The following PTPRG variants were observed in gnomAD, a reference collection of about 807,000 sequenced individuals.
PTPRG encodes the protein receptor-type tyrosine-protein phosphatase gamma.
In PTPRG, 102 loss-of-function variants were observed where a neutral mutation model predicts 165.3. That is an observed-to-expected ratio of 0.62 (90% CI 0.53 to 0.73). The LOEUF (loss-of-function observed/expected upper bound fraction) is 0.73, where lower values mean the gene tolerates loss of function less well. Ranked by LOEUF, PTPRG falls within the 30% of genes least tolerant of loss-of-function variation. The pLI is 0.00. For missense variants in PTPRG, 1,866 were observed against 1,861.4 expected (o/e 1.00, Z -0.05); for synonymous variants, 675 against 669.5 (o/e 1.01, Z -0.13).
At chr3:61,792,962 C>T (rs75282832) in intron 2 of PTPRG, among the ~76,000 whole-genome samples, 2,312 of 152,176 alleles carry the variant, frequency 0.015, 60 homozygotes, top group African/African-American at 0.053. Context: ...CTCCTGTCCT[C>T]ATGATCTGGC....
At chr3:61,690,998 A>G (rs1458692760) in intron 1 of PTPRG, among the ~76,000 whole-genome samples, 1 of 152,192 alleles carries the variant, frequency 6.6e-6, no homozygotes, top group African/African-American at 2.4e-5. Flanking sequence ...AAACCACAGA[A>G]TCCTTCAATA....
chr3:61,643,277 A>AGAGAG lies in PTPRG; in HGVS notation c.85+80905_85+80906insGAGAG, dbSNP rs1559537079. ...CCATCTGGGGAGAGAGAGAGAGAGAAAGAGAGAGAGAGAGAGACAGAGACA... is the reference window on the plus strand; with the variant it reads ...CCATCTGGGGAGAGAGAGAGAGAGAAGAGAGAGAGAGAGAGAGAGAGACAGAGACA... On this transcript the variant is annotated intron_variant, in intron 1 of 29. Coordinates refer to ENST00000474889, the MANE Select transcript of PTPRG (RefSeq NM_002841.4). Among the ~76,000 whole-genome samples the AGAGAG allele has an allele frequency of 2.3e-3, 352 of 149,818 alleles. 1 individual carries two copies. Among genetic ancestry groups the AGAGAG allele is most frequent in the African/African-American group, 6.3e-3 (258 of 40,834 alleles).
At chr3:62,257,566 G>C (rs1431281163) in intron 16 of PTPRG, among the ~76,000 whole-genome samples, 1 of 152,082 alleles carries the variant, frequency 6.6e-6, no homozygotes, top group Non-Finnish European at 1.5e-5. Context: ...GGCTGTGGGT[G>C]GCTACATTTT....
At chr3:61,782,976 C>T (rs1438171975) in intron 2 of PTPRG, among the ~76,000 whole-genome samples, 1 of 151,762 alleles carries the variant, frequency 6.6e-6, no homozygotes, top group Non-Finnish European at 1.5e-5. Flanking sequence ...CTAATTAAAA[C>T]AAATTTTTTT....
chr3:61,814,657 T>C (rs957945460), intron 2 of PTPRG, among the ~76,000 whole-genome samples: 2 of 151,948 alleles, frequency 1.3e-5, no homozygotes, highest in Non-Finnish European at 2.9e-5. Flanking sequence ...GCTGCTGCTT[T>C]ATTTCATGCA....
At chr3:61,643,436 G>C (rs576810737) in intron 1 of PTPRG, among the ~76,000 whole-genome samples, 45 of 152,294 alleles carry the variant, frequency 3.0e-4, no homozygotes, top group South Asian at 1.9e-3. Context: ...AATTAGGGGA[G>C]AGTTGTTAAA....
intron 17 of PTPRG, 105 bp from the exon 18 acceptor site, chr3:62,267,305 C>A: frequency 2.3e-6 from 2 of 863,272 alleles, no homozygotes; most frequent in Non-Finnish European, 3.7e-6. Context: ...CTCAGACTAC[C>A]TTGGGAGATG....
At chr3:61,879,899 C>G (rs534591656) in intron 2 of PTPRG, among the ~76,000 whole-genome samples, 42 of 152,220 alleles carry the variant, frequency 2.8e-4, no homozygotes, top group Non-Finnish European at 5.6e-4. Context: ...TATAATGAAA[C>G]AAATCAAAAT....
intron 2 of PTPRG, among the ~76,000 whole-genome samples, chr3:61,817,990 GA>G (rs2035839060): frequency 6.6e-6 from 1 of 152,164 alleles, no homozygotes; most frequent in African/African-American, 2.4e-5. Flanking sequence ...TGTGGAAGTT[GA>G]GAAGACAGGT....
intron 1 of PTPRG, among the ~76,000 whole-genome samples, chr3:61,714,046 T>A (rs1241654176): frequency 6.6e-6 from 1 of 152,240 alleles, no homozygotes; most frequent in Non-Finnish European, 1.5e-5. Context: ...TTGAACTGAA[T>A]GATCTCCAAA....
intron 2 of PTPRG, among the ~76,000 whole-genome samples, chr3:61,773,029 A>G (rs1000383269): frequency 6.6e-6 from 1 of 152,248 alleles, no homozygotes; most frequent in African/African-American, 2.4e-5. Flanking sequence ...AAAAGCAAGA[A>G]AGACAAGATA....
At chr3:62,040,240 T>C (rs566858147) in intron 4 of PTPRG, among the ~76,000 whole-genome samples, 1 of 152,328 alleles carries the variant, frequency 6.6e-6, no homozygotes, top group East Asian at 1.9e-4. Context: ...TTTCACAAAT[T>C]GGAGACAATT....
intron 2 of PTPRG, among the ~76,000 whole-genome samples, chr3:61,898,685 A>AAAGCAT (rs1235378452): frequency 7.2e-5 from 11 of 152,224 alleles, no homozygotes; most frequent in African/African-American, 2.7e-4. Context: ...CTTATTGAAT[A>AAAGCAT]AAGCATGTGG....
chr3:61,849,660 T>C (rs1469555370), intron 2 of PTPRG, among the ~76,000 whole-genome samples: 1 of 152,192 alleles, frequency 6.6e-6, no homozygotes, highest in Non-Finnish European at 1.5e-5. Flanking sequence ...CACTGAGACA[T>C]TGTATTTTTC....
At chr3:62,009,948 T>C (rs1397303588) in intron 4 of PTPRG, among the ~76,000 whole-genome samples, 1 of 152,204 alleles carries the variant, frequency 6.6e-6, no homozygotes, top group Non-Finnish European at 1.5e-5. Context: ...GACAAGGTCT[T>C]ACTGTGTCAC....
At chr3:61,990,562 A>G (rs2040860073) in intron 3 of PTPRG, among the ~76,000 whole-genome samples, 1 of 152,216 alleles carries the variant, frequency 6.6e-6, no homozygotes, top group African/African-American at 2.4e-5. Context: ...TGTCCTTGTA[A>G]GTACCAGAGA....
intron 4 of PTPRG, among the ~76,000 whole-genome samples, chr3:62,073,108 G>A (rs1426683670): frequency 1.3e-5 from 2 of 152,030 alleles, no homozygotes; most frequent in Non-Finnish European, 2.9e-5. Context: ...ATAATGGATT[G>A]AATAAATAGA....
chr3:61,716,878 A>G (rs990613815), intron 1 of PTPRG, among the ~76,000 whole-genome samples: 1 of 152,166 alleles, frequency 6.6e-6, no homozygotes, highest in African/African-American at 2.4e-5. Context: ...AGGCTGAGGC[A>G]GGAGAATCAC....
intron 13 of PTPRG, among the ~76,000 whole-genome samples, chr3:62,221,514 G>C (rs1244115994): frequency 6.6e-6 from 1 of 152,148 alleles, no homozygotes; most frequent in Non-Finnish European, 1.5e-5. Flanking sequence ...AAGCATTGGG[G>C]AGCTCACATA....
Sources: allele counts gnomAD v4.1 joint callset (sites outside exome capture counted in the v4.1 genomes callset), GRCh38; gene constraint gnomAD v4.1.1; transcripts MANE v1.5; gene names NCBI Gene and HGNC (gene_info 2026-07-23, HGNC 2026-07-21).